NMT2: variants seen among roughly 807,000 people sequenced by gnomAD.
The protein encoded by NMT2 is glycylpeptide N-tetradecanoyltransferase 2.
In NMT2, 35 loss-of-function variants were observed where a neutral mutation model predicts 65.4. That is an observed-to-expected ratio of 0.54 (90% confidence interval 0.41 to 0.71). The LOEUF (loss-of-function observed/expected upper bound fraction) is 0.71, where lower values mean the gene tolerates loss of function less well. NMT2 is among the 30% of genes least tolerant of loss of function. The pLI is 0.00. For missense variants in NMT2, 489 were observed against 611.3 expected (o/e 0.80, Z 2.11); for synonymous variants, 226 against 231.8 (o/e 0.98, Z 0.23).
chr10:15,125,180 A>C (rs979529364), intron 8 of NMT2, among the ~76,000 whole-genome samples: 2 of 152,236 alleles, frequency 1.3e-5, no homozygotes, highest in Non-Finnish European at 1.5e-5. Context: ...TAACTTCAAA[A>C]GGTTGCTGTG....
intron 1 of NMT2, among the ~76,000 whole-genome samples, chr10:15,155,535 GTTTTTTT>G (rs71390015): frequency 3.4e-5 from 2 of 59,336 alleles, no homozygotes; most frequent in African/African-American, 1.3e-4. Context: ...TGCCGGGCTA[GTTTTTTT>G]TTTTTTTTTT....
At position 15,135,350 on chromosome 10, in the gene NMT2, C is replaced by G; in HGVS notation, c.315G>C (p.Gln105His). The G allele has an allele frequency of 6.2e-7, 1 of 1,614,172 alleles. No individual in the cohort carries two copies. The highest frequency in any genetic ancestry group is 8.5e-7 in the Non-Finnish European group (1 of 1,180,016). ...CCTCATCAATGTTCCTGGCTGGGCC[C>G]TGGCATGCGGATAGCAGCTCCATTG... ...QRAMELLSAC[Q>H]GPARNIDEAA... is the part of the protein sequence containing the mutation. Residue 105 changes from glutamine (Q) to histidine (H), a missense_variant, in exon 3 of 12, where the codon CAG (glutamine) becomes CAC (histidine). By Grantham distance (24) the Gln-to-His change is conservative. Transcript: ENST00000378165.
chr10:15,158,315 CAAA>C (rs112874536), intron 1 of NMT2, among the ~76,000 whole-genome samples: 4 of 111,202 alleles, frequency 3.6e-5, no homozygotes, highest in African/African-American at 6.5e-5. Flanking sequence ...TACTCTGTCT[CAAA>C]AAAAAAAAAA....
intron 7 of NMT2, among the ~76,000 whole-genome samples, chr10:15,129,331 C>T (rs1589314041): frequency 6.6e-6 from 1 of 152,054 alleles, no homozygotes; most frequent in South Asian, 2.1e-4. Context: ...TCAATAAAAA[C>T]AGTGGTGAGG....
At chr10:15,138,414 T>C (rs1395553335) in intron 2 of NMT2, 1 of 471,044 alleles carries the variant, frequency 2.1e-6, no homozygotes, top group Non-Finnish European at 4.4e-6. Flanking sequence ...CTCATGCCTG[T>C]CCATTCACCT....
At chr10:15,159,396 A>ATATATATTTATTTATTTATT (rs143829990) in intron 1 of NMT2, among the ~76,000 whole-genome samples, 14 of 149,214 alleles carry the variant, frequency 9.4e-5, no homozygotes, top group Non-Finnish European at 1.8e-4. Flanking sequence ...CCTCCTTAAA[A>ATATATATTTATTTATTTATT]TATTTATTTA....
At chr10:15,145,084 G>T (rs191496397) in intron 1 of NMT2, among the ~76,000 whole-genome samples, 1 of 152,056 alleles carries the variant, frequency 6.6e-6, no homozygotes, top group Non-Finnish European at 1.5e-5. Flanking sequence ...ACAAAGAGTC[G>T]ATAAAAACAG....
At chr10:15,167,799 T>C (rs945900309) in intron 1 of NMT2, among the ~76,000 whole-genome samples, 1 of 152,092 alleles carries the variant, frequency 6.6e-6, no homozygotes, top group African/African-American at 2.4e-5. Flanking sequence ...GTTTTGGAGA[T>C]CAAATACCAG....
chr10:15,135,771 G>A (rs533352061), intron 2 of NMT2, among the ~76,000 whole-genome samples: 2 of 151,116 alleles, frequency 1.3e-5, no homozygotes, highest in East Asian at 4.0e-4. Context: ...GCAGCCACGA[G>A]CCTTGGGTGG....
At chr10:15,167,475 T>G (rs2131651157) in intron 1 of NMT2, among the ~76,000 whole-genome samples, 1 of 152,322 alleles carries the variant, frequency 6.6e-6, no homozygotes, top group African/African-American at 2.4e-5. Flanking sequence ...CTATCATGTT[T>G]TTTAAGCTGA....
At position 15,112,928 on chromosome 10, in the gene NMT2, G is replaced by A. The variant is rs753267005; in HGVS notation, c.1206C>T (p.Phe402=). 8.7e-6 allele frequency: 14 copies of A among 1,614,034 alleles called. No homozygotes were observed. The South Asian group carries it at 1.3e-4, about 15-fold the overall frequency. The part of the protein sequence containing the change: ...PNGKLTDFLS[F]YTLPSTVMHH... ...GCATCACCGTGGAGGGGAGCGTATA[G>A]AAGCTCAGGAAATCAGTCAGTTTAC... The change falls in exon 10 of 12, where the codon TTC becomes TTT. Residue 402 remains phenylalanine (F), a synonymous_variant. Transcript: ENST00000378165.
Position 15,138,004 on chromosome 10 carries a change from C to CTTT in NMT2, c.247-2589_247-2587dup, listed in dbSNP as rs374744946. Among the ~76,000 whole-genome samples, 45 of 128,084 alleles carry CTTT rather than the reference C, an allele frequency of 3.5e-4. 1 individual carries two copies. Among genetic ancestry groups the CTTT allele is most frequent in the Admixed American group, 4.9e-4 (6 of 12,180 alleles). The allele number at this position is 128,084 out of a possible 152,430, so 84.0% of individuals were successfully genotyped here. ...AAATGCTTTCTTTCTTCTTCTTCTT[C>CTTT]TTTTTTTTTTTTTTTTTTCATTTTG... On this transcript the variant is annotated intron_variant, in intron 2 of 11. Coordinates refer to ENST00000378165, the MANE Select transcript of NMT2 (RefSeq NM_004808.3).
At chr10:15,159,618 G>A (rs1390722520) in intron 1 of NMT2, among the ~76,000 whole-genome samples, 3 of 152,122 alleles carry the variant, frequency 2.0e-5, no homozygotes, top group Admixed American at 6.5e-5. Context: ...AGTAGAGATG[G>A]GGTTTCACCA....
chr10:15,126,226 C>T (rs977855598), intron 8 of NMT2, among the ~76,000 whole-genome samples: 16 of 150,892 alleles, frequency 1.1e-4, no homozygotes, highest in Non-Finnish European at 1.8e-4. Context: ...GTCAGGAGTT[C>T]GAGACCAGCC....
rs765102442 is a variant in NMT2, at chr10:15,165,298, A to G, written c.110+3205T>C. Among the ~76,000 whole-genome samples, 5 of 152,288 alleles carry G rather than the reference A, an allele frequency of 3.3e-5. No homozygotes were observed. In the South Asian group the frequency reaches 1.0e-3, roughly 32 times the overall value. On this transcript the variant is annotated intron_variant, in intron 1 of 11. Coordinates refer to ENST00000378165, the MANE Select transcript of NMT2 (RefSeq NM_004808.3). ...GCTGGACTGAGGTTAATTTTTATCT[A>G]TGTAGAAAGTCTTTCCAGGCTCCTT... is the stretch of plus-strand genomic sequence containing the variant.
At position 15,108,519 on chromosome 10, in the gene NMT2, A is replaced by T; in HGVS notation, c.*676T>A. The T allele has an allele frequency of 2.0e-6, 2 of 985,724 alleles. No individual in the cohort carries two copies. The highest frequency in any genetic ancestry group is 2.4e-6 in the Non-Finnish European group (2 of 830,162). 61.1% of individuals were successfully genotyped at this position (985,724 alleles called of 1,614,324 possible). A position where few individuals can be genotyped will look rare whatever the true frequency, so the allele number is the denominator to read the frequency against. ...TTCAGAGAGCACAGTGAGTGCTTGC[A>T]CAAAACTCTGCTTTTGAAGCAATCC... is the stretch of plus-strand genomic sequence containing the variant. On this transcript the variant is annotated 3_prime_UTR_variant, in exon 12 of 12. Transcript: ENST00000378165.
In NMT2 at chr10:15,109,946, T is replaced by C; in HGVS notation, c.1339-107A>G. The C allele has an allele frequency of 4.3e-6, 4 of 925,404 alleles. No homozygotes were observed. In the South Asian group the frequency reaches 5.0e-5, roughly 12 times the overall value. 57.3% of individuals were successfully genotyped at this position (925,404 alleles called of 1,614,324 possible). The stretch of plus-strand genomic sequence containing the variant: ...TAATAGCTCGAATATGCATTTCTAA[T>C]AGGATTTAACGTCCGTGATATATAG... On this transcript the variant is annotated intron_variant, in intron 10 of 11. Transcript: ENST00000378165.
intron 9 of NMT2, among the ~76,000 whole-genome samples, chr10:15,116,770 A>T (rs536756237): frequency 9.0e-5 from 13 of 143,820 alleles, no homozygotes; most frequent in African/African-American, 3.6e-4. Flanking sequence ...TAAAAGGATA[A>T]CAAGGGAATA....
intron 10 of NMT2, chr10:15,111,806 T>C (rs1194701400): frequency 6.6e-6 from 1 of 151,748 alleles, no homozygotes; most frequent in Non-Finnish European, 1.5e-5. Context: ...TTTTATTTTA[T>C]TTTATTTTAA....
Sources: gnomAD v4.1 joint callset for allele counts (sites outside exome capture counted in the v4.1 genomes callset) on GRCh38, gnomAD v4.1.1 for gene constraint, MANE v1.5 for transcripts, NCBI Gene and HGNC (gene_info 2026-07-23, HGNC 2026-07-21) for gene names.